SCAF8: variants seen among roughly 807,000 people sequenced by gnomAD.
SCAF8 encodes SR-related CTD associated factor 8, also known as SR-related and CTD-associated factor 8.
In SCAF8, 23 loss-of-function variants were observed where a neutral mutation model predicts 140.5. The observed-to-expected ratio is 0.16, with a 90% CI of 0.12 to 0.23. The LOEUF is 0.23. SCAF8 is among the 10% of genes least tolerant of loss of function. SCAF8 has a pLI of 1.00. For missense variants in SCAF8, 1,397 were observed against 1,555.7 expected (o/e 0.90, Z 1.72); for synonymous variants, 575 against 528.9 (o/e 1.09, Z -1.20).
chr6:154,742,996 G>A (rs1490729782), intron 1 of SCAF8, among the ~76,000 whole-genome samples: 1 of 151,954 alleles, frequency 6.6e-6, no homozygotes, highest in East Asian at 1.9e-4. Flanking sequence ...AACCAGACAA[G>A]CAAAAACCAT....
chr6:154,824,135 G>A, intron 16 of SCAF8, 99 bp from the exon 17 acceptor site: 1 of 1,256,544 alleles, frequency 8.0e-7, no homozygotes, highest in Middle Eastern at 1.9e-4. Context: ...AGTAGTATTT[G>A]TTACCATCCT....
Position 154,830,938 on chromosome 6 carries a change from A to T in SCAF8, c.2157A>T (p.Ser719=). The T allele has an allele frequency of 5.6e-6, 9 of 1,614,046 alleles. No individual in the cohort carries two copies. The highest frequency in any genetic ancestry group is 7.6e-6 in the Non-Finnish European group (9 of 1,179,898). ...PVVPTSLVQP[S]LSMTPETVKD... is the part of the protein sequence containing the mutation. ...TTTAAACAGCTTTAGTGCAGCCGTC[A>T]TTATCCATGACACCGGAAACTGTGA... Residue 719 remains serine (S), a synonymous_variant, in exon 19 of 20, where the codon TCA becomes TCT. Coordinates refer to ENST00000367178, the MANE Select transcript of SCAF8 (RefSeq NM_014892.5).
At chr6:154,757,280 C>G (rs535370058) in intron 1 of SCAF8, among the ~76,000 whole-genome samples, 1 of 152,282 alleles carries the variant, frequency 6.6e-6, no homozygotes, top group East Asian at 1.9e-4. Context: ...TAGGCATGAG[C>G]CACCGTGCCC....
intron 1 of SCAF8, among the ~76,000 whole-genome samples, chr6:154,764,805 AGC>A (rs1328900827): frequency 6.6e-6 from 1 of 152,160 alleles, no homozygotes; most frequent in African/African-American, 2.4e-5. Context: ...ATTCTTTTTC[AGC>A]GTTTTTCAGC....
chr6:154,790,557 C>T (rs1402324075), intron 4 of SCAF8, among the ~76,000 whole-genome samples: 1 of 111,454 alleles, frequency 9.0e-6, no homozygotes, highest in African/African-American at 3.5e-5. Context: ...GTTGCCCAGG[C>T]TGGAGTGCAG....
intron 3 of SCAF8, among the ~76,000 whole-genome samples, chr6:154,779,259 C>T (rs1289670638): frequency 3.3e-5 from 5 of 152,140 alleles, no homozygotes; most frequent in African/African-American, 1.2e-4. Context: ...TGGTCTTGAA[C>T]TCCTGACCTC....
intron 1 of SCAF8, chr6:154,742,067 G>A: frequency 1.6e-6 from 2 of 1,236,380 alleles, no homozygotes; most frequent in South Asian, 2.6e-5. Context: ...AATATGTTAG[G>A]TTTCAATTGG....
intron 1 of SCAF8, among the ~76,000 whole-genome samples, chr6:154,757,507 C>T (rs11156000): frequency 0.051 from 7,690 of 152,188 alleles, 548 homozygotes; most frequent in African/African-American, 0.16. Context: ...TTTGCTAGCT[C>T]GTATTTGGTT....
intron 1 of SCAF8, among the ~76,000 whole-genome samples, chr6:154,758,999 A>G (rs1367971032): frequency 6.6e-6 from 1 of 152,256 alleles, no homozygotes; most frequent in East Asian, 1.9e-4. Flanking sequence ...GAGATCATAG[A>G]TGATACTAAA....
At chr6:154,785,759 G>C (rs1053729461) in intron 3 of SCAF8, among the ~76,000 whole-genome samples, 11 of 152,164 alleles carry the variant, frequency 7.2e-5, no homozygotes, top group African/African-American at 2.7e-4. Flanking sequence ...AACCATAACT[G>C]ATGATAACCT....
At chr6:154,800,095 A>G (rs1408274240) in intron 6 of SCAF8, among the ~76,000 whole-genome samples, 1 of 151,350 alleles carries the variant, frequency 6.6e-6, no homozygotes. Flanking sequence ...CGTGACTGCT[A>G]TTTAAAACTG....
intron 8 of SCAF8, among the ~76,000 whole-genome samples, chr6:154,805,080 A>G (rs1277395337): frequency 5.3e-5 from 8 of 152,270 alleles, no homozygotes; most frequent in African/African-American, 1.9e-4. Flanking sequence ...TGCTCTAATG[A>G]AAAAGCAGTA....
At chr6:154,814,273 G>A (rs1562460244) in intron 12 of SCAF8, among the ~76,000 whole-genome samples, 2 of 152,130 alleles carry the variant, frequency 1.3e-5, no homozygotes, top group African/African-American at 2.4e-5. Flanking sequence ...AGCTGAGATC[G>A]CATCACTGCA....
intron 13 of SCAF8, among the ~76,000 whole-genome samples, chr6:154,816,452 C>T (rs746251460): frequency 8.5e-5 from 13 of 152,132 alleles, no homozygotes; most frequent in Non-Finnish European, 1.8e-4. Flanking sequence ...GATGCTTTTC[C>T]CTGAGGGTCA....
At chr6:154,779,442 A>G (rs897627338) in intron 3 of SCAF8, among the ~76,000 whole-genome samples, 1 of 152,200 alleles carries the variant, frequency 6.6e-6, no homozygotes, top group Non-Finnish European at 1.5e-5. Flanking sequence ...TGTGGAGAGG[A>G]ACCTGAGATT....
chr6:154,766,831 G>T (rs939001923), intron 1 of SCAF8, among the ~76,000 whole-genome samples: 3 of 151,872 alleles, frequency 2.0e-5, no homozygotes, highest in African/African-American at 7.3e-5. Flanking sequence ...GGCAGTGGTG[G>T]CATCTTCAGT....
chr6:154,783,261 A>G (rs1360371576), intron 3 of SCAF8, among the ~76,000 whole-genome samples: 1 of 152,170 alleles, frequency 6.6e-6, no homozygotes, highest in Admixed American at 6.5e-5. Flanking sequence ...CTACAAGCAA[A>G]TGTGTCTACT....
At chr6:154,813,089 C>T (rs1015239012) in intron 12 of SCAF8, among the ~76,000 whole-genome samples, 4 of 151,782 alleles carry the variant, frequency 2.6e-5, no homozygotes, top group African/African-American at 9.7e-5. Context: ...CTTCTGTAGT[C>T]CCAGCTACTC....
At chr6:154,765,004 T>C (rs575392179) in intron 1 of SCAF8, among the ~76,000 whole-genome samples, 2 of 152,348 alleles carry the variant, frequency 1.3e-5, no homozygotes, top group Non-Finnish European at 2.9e-5. Context: ...AGGTTTATTA[T>C]TGAGTGCTTG....
Sources: allele counts gnomAD v4.1 joint callset (sites outside exome capture counted in the v4.1 genomes callset), GRCh38; gene constraint gnomAD v4.1.1; transcripts MANE v1.5; gene names NCBI Gene and HGNC (gene_info 2026-07-23, HGNC 2026-07-21).